Variants in RABEP1 observed in about 807,000 individuals in gnomAD.
RABEP1 encodes the protein rab GTPase-binding effector protein 1.
RABEP1 carries 51 observed loss-of-function variants against 123.4 expected under a neutral mutation model. The ratio of observed to expected loss-of-function variants is 0.41; its 90% CI spans 0.33 to 0.52. The LOEUF (loss-of-function observed/expected upper bound fraction) is 0.52. Among genes scored for constraint, RABEP1 ranks in the 20% least tolerant of loss-of-function variants. RABEP1 has a pLI of 0.16. For synonymous variants in RABEP1, 347 were observed against 355.2 expected, an observed-to-expected ratio of 0.98 and a Z score of 0.26; for missense variants, 888 against 996.3, an observed-to-expected ratio of 0.89 and a Z score of 1.46.
chr17:5,345,195 A>G (rs556246362), intron 5 of RABEP1, among the ~76,000 whole-genome samples: 1 of 152,326 alleles, frequency 6.6e-6, no homozygotes, highest in South Asian at 2.1e-4. Flanking sequence ...CTTCCGTTTA[A>G]GGCACTGTTG....
At chr17:5,378,667 A>C in intron 15 of RABEP1, 1 of 220,872 alleles carries the variant, frequency 4.5e-6, no homozygotes. Context: ...TGATTTAGAG[A>C]TTTTCACCTC....
intron 5 of RABEP1, among the ~76,000 whole-genome samples, chr17:5,344,269 C>A (rs1474830196): frequency 6.6e-6 from 1 of 152,042 alleles, no homozygotes; most frequent in East Asian, 1.9e-4. Flanking sequence ...GAAACCCTGT[C>A]TCTACTAAAA....
rs1195437009 is a variant in RABEP1 at position 5,384,198 on chromosome 17, T to TGTAA, written c.*982_*985dup. On this transcript the variant is annotated 3_prime_UTR_variant, in exon 18 of 18. Coordinates refer to ENST00000537505, the MANE Select transcript of RABEP1 (RefSeq NM_004703.6). ...TTTTCTTTTGAATTCAGACCTGGAA[T>TGTAA]GTAAGTAAGTGACAATGCTTATGGA... 9.3e-6 allele frequency: 2 copies of TGTAA among 214,930 alleles called. No homozygotes were observed. Among genetic ancestry groups the TGTAA allele is most frequent in the Non-Finnish European group, 1.9e-5 (2 of 106,742 alleles). The allele number at this position is 214,930 out of a possible 1,614,324, so 13.3% of individuals were successfully genotyped here.
chr17:5,379,944 T>C (rs16954575), intron 15 of RABEP1, among the ~76,000 whole-genome samples: 18,378 of 152,204 alleles, frequency 0.12, 1,259 homozygotes, highest in East Asian at 0.23. Context: ...CCACTGTTGC[T>C]GCATGTGTTT....
chr17:5,377,969 G>A (rs1911138365), intron 14 of RABEP1, among the ~76,000 whole-genome samples: 1 of 152,154 alleles, frequency 6.6e-6, no homozygotes, highest in African/African-American at 2.4e-5. Flanking sequence ...TCTAGAGGTA[G>A]TTTATGACAC....
intron 2 of RABEP1, among the ~76,000 whole-genome samples, chr17:5,330,732 G>A (rs975266746): frequency 7.2e-5 from 11 of 152,006 alleles, no homozygotes; most frequent in South Asian, 6.2e-4. Flanking sequence ...GCTAAAAGGC[G>A]TAAGTTAAGG....
At chr17:5,328,671 A>AAAAG (rs1336027774) in intron 2 of RABEP1, among the ~76,000 whole-genome samples, 3 of 120,476 alleles carry the variant, frequency 2.5e-5, no homozygotes, top group African/African-American at 6.3e-5. Flanking sequence ...AAAAAAAAAA[A>AAAAG]GCCGGGCGCA....
At position 5,381,475 on chromosome 17, in the gene RABEP1, G is replaced by A. The variant is rs1065483; in HGVS notation, c.2457G>A (p.Arg819=). Residue 819 remains arginine (R), a synonymous_variant, in exon 17 of 18, where the codon AGG becomes AGA. Transcript: ENST00000537505. ...TAGATGTCAGTGAGCAAGTCCAGAGGGATTTTGTAAAGCTTTCACAGACCC... is the reference window on the plus strand; with the variant it reads ...TAGATGTCAGTGAGCAAGTCCAGAGAGATTTTGTAAAGCTTTCACAGACCC... ...TELDVSEQVQ[R]DFVKLSQTLQ... The A allele has an allele frequency of 0.47, 749,074 of 1,610,816 alleles. 187,492 individuals are homozygous for A. Among genetic ancestry groups the A allele is most frequent in the East Asian group, 0.98 (43,750 of 44,780 alleles).
At chr17:5,327,979 C>T (rs931869684) in intron 2 of RABEP1, among the ~76,000 whole-genome samples, 5 of 152,196 alleles carry the variant, frequency 3.3e-5, no homozygotes, top group Non-Finnish European at 7.3e-5. Context: ...TTCAGTTTCA[C>T]ACCTGATACC....
chr17:5,363,810 T>C (rs1909779280), intron 10 of RABEP1, among the ~76,000 whole-genome samples: 1 of 152,260 alleles, frequency 6.6e-6, no homozygotes, highest in Non-Finnish European at 1.5e-5. Flanking sequence ...AATTAAGCTT[T>C]GGTAGATTTG....
At chr17:5,376,990 A>T in intron 13 of RABEP1, 126 bp from the exon 14 acceptor site, 3 of 971,634 alleles carry the variant, frequency 3.1e-6, no homozygotes, top group South Asian at 1.7e-5. Flanking sequence ...TAAGTGGCTT[A>T]ATGGTCAAAG....
intron 2 of RABEP1, among the ~76,000 whole-genome samples, chr17:5,321,082 G>A (rs1221206873): frequency 6.6e-6 from 1 of 152,218 alleles, no homozygotes. Flanking sequence ...GGTTGAGGTG[G>A]GAGGATCACT....
At chr17:5,304,498 C>A (rs1320468795) in intron 1 of RABEP1, among the ~76,000 whole-genome samples, 1 of 151,864 alleles carries the variant, frequency 6.6e-6, no homozygotes, top group Non-Finnish European at 1.5e-5. Flanking sequence ...AGGAGGATCG[C>A]TTGAACCCAG....
At chr17:5,373,485 C>A in intron 13 of RABEP1, 31 bp downstream of exon 13, 1 of 1,571,258 alleles carries the variant, frequency 6.4e-7, no homozygotes, top group South Asian at 1.2e-5. Flanking sequence ...TCAAAAATGT[C>A]AACAAGTACG....
chr17:5,358,196 A>G (rs1486420224), intron 8 of RABEP1, among the ~76,000 whole-genome samples: 4 of 152,202 alleles, frequency 2.6e-5, no homozygotes, highest in African/African-American at 2.4e-5. Flanking sequence ...ACATTATGAA[A>G]TACAGAAAAT....
chr17:5,385,020 T>C lies in RABEP1; in HGVS notation c.*1797T>C, dbSNP rs1014897263. The C allele has an allele frequency of 4.4e-6, 1 of 228,930 alleles. No individual in the cohort carries two copies. The highest frequency in any genetic ancestry group is 5.7e-5 in the Admixed American group (1 of 17,628). The allele number at this position is 228,930 out of a possible 1,614,324, so 14.2% of individuals were successfully genotyped here. A position where few individuals can be genotyped will look rare whatever the true frequency, so the allele number is the denominator to read the frequency against. On this transcript the variant is annotated 3_prime_UTR_variant, in exon 18 of 18. Coordinates refer to ENST00000537505, the MANE Select transcript of RABEP1 (RefSeq NM_004703.6). ...AACTAGAGCTTGCAGTGAAGTGTTC[T>C]GCTGAGACTGAGCACCTTACAGATA...
chr17:5,288,915 G>T (rs981527385), intron 1 of RABEP1, among the ~76,000 whole-genome samples: 1 of 150,326 alleles, frequency 6.7e-6, no homozygotes, highest in Non-Finnish European at 1.5e-5. Context: ...CATGTTGGCC[G>T]GGCTGGTCTT....
chr17:5,367,093 GAA>G (rs11362207), intron 11 of RABEP1, among the ~76,000 whole-genome samples: 3 of 145,818 alleles, frequency 2.1e-5, no homozygotes, highest in African/African-American at 7.5e-5. Flanking sequence ...CCGTCTGAAA[GAA>G]AAAAAAAAAT....
intron 17 of RABEP1, among the ~76,000 whole-genome samples, chr17:5,381,913 G>C (rs1911500311): frequency 6.6e-6 from 1 of 151,680 alleles, no homozygotes; most frequent in African/African-American, 2.4e-5. Flanking sequence ...TTTCTTTCAA[G>C]GCTCAGCGTA....
Sources: gnomAD v4.1 joint callset for allele counts (sites outside exome capture counted in the v4.1 genomes callset) on GRCh38, gnomAD v4.1.1 for gene constraint, MANE v1.5 for transcripts, NCBI Gene and HGNC (gene_info 2026-07-23, HGNC 2026-07-21) for gene names.